GLRA1: variants seen among roughly 807,000 people sequenced by gnomAD.
GLRA1 encodes the protein glycine receptor alpha 1.
A neutral mutation model predicts 48.3 loss-of-function variants in GLRA1; 37 were observed. The ratio of observed to expected loss-of-function variants is 0.77; its 90% CI spans 0.59 to 1.01. GLRA1 has a LOEUF of 1.01. GLRA1 is among the 50% of genes least tolerant of loss of function. The probability of loss-of-function intolerance (pLI) is 0.00; values close to 1 mark genes in which losing one functional copy is unlikely to be tolerated. For synonymous variants in GLRA1, 196 were observed against 210.7 expected (o/e 0.93, Z 0.60); for missense variants, 427 against 571.0 (o/e 0.75, Z 2.57).
At chr5:151,876,074 CA>C (rs1753621884) in intron 3 of GLRA1, among the ~76,000 whole-genome samples, 1 of 152,212 alleles carries the variant, frequency 6.6e-6, no homozygotes, top group Non-Finnish European at 1.5e-5. Context: ...ATTCTTTTCA[CA>C]GTAGAGCTTT....
At chr5:151,886,878 T>C (rs1028484839) in intron 2 of GLRA1, 90 bp from the exon 3 acceptor site, 1 of 942,690 alleles carries the variant, frequency 1.1e-6, no homozygotes, top group Non-Finnish European at 1.8e-6. Context: ...ACTTCTGGAA[T>C]GGATCGCCTT....
At chr5:151,861,678 C>A (rs375653290) in intron 3 of GLRA1, among the ~76,000 whole-genome samples, 2 of 152,086 alleles carry the variant, frequency 1.3e-5, no homozygotes, top group Non-Finnish European at 2.9e-5. Flanking sequence ...CTCCCATTCA[C>A]AATTGCTTCA....
chr5:151,908,149 G>T (rs1409655814), intron 1 of GLRA1, among the ~76,000 whole-genome samples: 2 of 152,160 alleles, frequency 1.3e-5, no homozygotes, highest in Non-Finnish European at 2.9e-5. Context: ...ATCCATTCAG[G>T]CCCCTGTTCT....
Position 151,916,130 on chromosome 5 carries a change from C to A in GLRA1, c.56+8364G>T, listed in dbSNP as rs147424868. Among the ~76,000 whole-genome samples the A allele has an allele frequency of 2.1e-3, 323 of 152,212 alleles. 3 individuals carry two copies. The highest frequency in any genetic ancestry group is 7.4e-3 in the African/African-American group (308 of 41,538). On this transcript the variant is annotated intron_variant, in intron 1 of 8. Coordinates refer to ENST00000274576, the MANE Select transcript of GLRA1 (RefSeq NM_000171.4). ...GAGCAAGGAGATCTGTATTTGAATC[C>A]TGGTTTTACTCTGAGAATAACAGCA...
chr5:151,903,080 A>G (rs1017427159), intron 1 of GLRA1, among the ~76,000 whole-genome samples: 1 of 152,210 alleles, frequency 6.6e-6, no homozygotes, highest in Non-Finnish European at 1.5e-5. Context: ...AGTGGAAAAA[A>G]AAGCCAAGCT....
At chr5:151,890,228 G>T (rs1204333619) in intron 2 of GLRA1, among the ~76,000 whole-genome samples, 1 of 147,160 alleles carries the variant, frequency 6.8e-6, no homozygotes. Flanking sequence ...TAGCATATTT[G>T]TGGGGTCATT....
At chr5:151,863,680 A>C (rs539904697) in intron 3 of GLRA1, among the ~76,000 whole-genome samples, 4 of 152,254 alleles carry the variant, frequency 2.6e-5, no homozygotes, top group African/African-American at 9.6e-5. Flanking sequence ...GCTATTCCCG[A>C]GGGTGCTGGA....
intron 7 of GLRA1, among the ~76,000 whole-genome samples, chr5:151,835,656 A>G (rs1763557711): frequency 6.6e-6 from 1 of 152,248 alleles, no homozygotes; most frequent in African/African-American, 2.4e-5. Context: ...CTGGTTCAAT[A>G]TATGCAAATC....
At chr5:151,857,628 T>C (rs952480075) in intron 4 of GLRA1, among the ~76,000 whole-genome samples, 1 of 152,236 alleles carries the variant, frequency 6.6e-6, no homozygotes, top group Non-Finnish European at 1.5e-5. Context: ...AGTAGGCTCA[T>C]GCTGGGGTCG....
intron 4 of GLRA1, among the ~76,000 whole-genome samples, chr5:151,857,270 T>G (rs983821816): frequency 1.3e-5 from 2 of 152,208 alleles, no homozygotes; most frequent in African/African-American, 4.8e-5. Context: ...AATAATTATG[T>G]GTGTATTTCC....
chr5:151,870,284 A>G (rs764009228), intron 3 of GLRA1, among the ~76,000 whole-genome samples: 3 of 149,384 alleles, frequency 2.0e-5, no homozygotes, highest in Non-Finnish European at 4.4e-5. Context: ...AAAGGGTGCA[A>G]ATGGAAGGAA....
At chr5:151,885,303 G>T (rs1450760700) in intron 3 of GLRA1, among the ~76,000 whole-genome samples, 1 of 152,202 alleles carries the variant, frequency 6.6e-6, no homozygotes, top group Non-Finnish European at 1.5e-5. Flanking sequence ...GTTCCCACAG[G>T]AAATGAAACA....
intron 3 of GLRA1, among the ~76,000 whole-genome samples, chr5:151,881,599 G>C (rs1203106311): frequency 6.6e-6 from 1 of 151,198 alleles, no homozygotes; most frequent in Non-Finnish European, 1.5e-5. Flanking sequence ...GCCTCCCAAA[G>C]TGCTGGGATT....
chr5:151,844,517 G>T (rs556404233), intron 7 of GLRA1, among the ~76,000 whole-genome samples: 54 of 150,286 alleles, frequency 3.6e-4, no homozygotes, highest in African/African-American at 1.3e-3. Context: ...AGCTACTCGG[G>T]AGGCTGAGGC....
chr5:151,874,052 T>TTG (rs1332662040), intron 3 of GLRA1, among the ~76,000 whole-genome samples: 1 of 152,010 alleles, frequency 6.6e-6, no homozygotes, highest in East Asian at 1.9e-4. Flanking sequence ...GAGAGAATGG[T>TTG]TGAGGAAGCC....
Position 151,834,754 on chromosome 5 carries a change from G to A in GLRA1, c.913-5687C>T, listed in dbSNP as rs182771111. Among the ~76,000 whole-genome samples the A allele has an allele frequency of 9.7e-4, 147 of 152,186 alleles. 1 individual carries two copies. Among genetic ancestry groups the A allele is most frequent in the South Asian group, 1.7e-3 (8 of 4,820 alleles). On this transcript the variant is annotated intron_variant, in intron 7 of 8. Coordinates refer to ENST00000274576, the MANE Select transcript of GLRA1 (RefSeq NM_000171.4). Reference sequence around the variant, plus strand: ...GCCTAATAAAGAAAAGAGGCTGGGCGTGGTGGCTCATGCCTGTAATCCCAG... The same window carrying A: ...GCCTAATAAAGAAAAGAGGCTGGGCATGGTGGCTCATGCCTGTAATCCCAG...
In GLRA1 at chr5:151,849,401, C is replaced by CTTTCATTTCA. The variant is rs1561554977; in HGVS notation, c.912+1988_912+1989insTGAAATGAAA. Among the ~76,000 whole-genome samples the CTTTCATTTCA allele has an allele frequency of 2.6e-3, 20 of 7,716 alleles. 2 individuals are homozygous for CTTTCATTTCA. Among genetic ancestry groups the CTTTCATTTCA allele is most frequent in the African/African-American group, 0.01 (17 of 1,644 alleles). The allele number at this position is 7,716 out of a possible 152,430, so 5.1% of individuals were successfully genotyped here. On this transcript the variant is annotated intron_variant, in intron 7 of 8. Coordinates refer to ENST00000274576, the MANE Select transcript of GLRA1 (RefSeq NM_000171.4). ...GTTTCCTTTCCTTTCCTTTCCTTTC[C>CTTTCATTTCA]TTTCCTTTCCTTTCCTTTCCTTTCC...
intron 3 of GLRA1, among the ~76,000 whole-genome samples, chr5:151,872,857 C>T (rs886941138): frequency 6.7e-6 from 1 of 149,560 alleles, no homozygotes; most frequent in Non-Finnish European, 1.5e-5. Flanking sequence ...TCGAGAGAGG[C>T]GTCAAGCTGT....
At chr5:151,865,342 T>C (rs552603200) in intron 3 of GLRA1, among the ~76,000 whole-genome samples, 1 of 152,254 alleles carries the variant, frequency 6.6e-6, no homozygotes, top group South Asian at 2.1e-4. Context: ...CAGGTAGAAG[T>C]GATATTTAAG....
Sources: allele counts gnomAD v4.1 joint callset (sites outside exome capture counted in the v4.1 genomes callset), GRCh38; gene constraint gnomAD v4.1.1; transcripts MANE v1.5; gene names NCBI Gene and HGNC (gene_info 2026-07-23, HGNC 2026-07-21).